Variants in PDXDC1 observed in about 807,000 individuals in gnomAD.
PDXDC1 encodes the protein pyridoxal-dependent decarboxylase domain-containing protein 1.
Under a neutral mutation model 100.1 loss-of-function variants are expected in PDXDC1, and 42 were observed. The observed-to-expected ratio is 0.42, with a 90% CI of 0.33 to 0.54. PDXDC1 has a LOEUF of 0.54. PDXDC1 is among the 20% of genes least tolerant of loss of function. The pLI is 0.10. For missense variants in PDXDC1, 636 were observed against 979.2 expected (o/e 0.65, Z 4.68); for synonymous variants, 260 against 371.7 (o/e 0.70, Z 3.46).
At chr16:15,130,432 A>G (rs777130661) in intron 16 of PDXDC1, 2 of 1,500,716 alleles carry the variant, frequency 1.3e-6, no homozygotes, top group Non-Finnish European at 1.8e-6. Context: ...TTCAGACGGT[A>G]ACTCCCCACT....
At chr16:15,022,415 C>T (rs1373781509) in intron 12 of PDXDC1, among the ~76,000 whole-genome samples, 40 of 152,294 alleles carry the variant, frequency 2.6e-4, no homozygotes, top group African/African-American at 9.2e-4. Flanking sequence ...GTGCCTTGCA[C>T]GTGTTTATAC....
intron 1 of PDXDC1, among the ~76,000 whole-genome samples, chr16:14,983,651 G>A (rs185056255): frequency 1.7e-4 from 25 of 148,334 alleles, no homozygotes; most frequent in Non-Finnish European, 3.4e-4. Flanking sequence ...AGTTATTCAT[G>A]TCAGTTATTC....
At chr16:15,080,026 A>G (rs750142950) in intron 16 of PDXDC1, 3 of 1,599,424 alleles carry the variant, frequency 1.9e-6, no homozygotes, top group Non-Finnish European at 1.7e-6. Context: ...TTCAATAATA[A>G]GCTCCAGAAT....
intron 16 of PDXDC1, chr16:15,128,389 C>G (rs2047869884): frequency 6.4e-7 from 1 of 1,559,460 alleles, no homozygotes; most frequent in African/African-American, 1.4e-5. Flanking sequence ...GGCCGTGGTA[C>G]CTGGAGGGCA....
At chr16:15,068,043 C>A in intron 16 of PDXDC1, 1 of 887,020 alleles carries the variant, frequency 1.1e-6, no homozygotes, top group Non-Finnish European at 1.7e-6. Context: ...TTACAGGTGT[C>A]AGCCACCACG....
At chr16:14,981,464 T>C (rs1217889699) in intron 1 of PDXDC1, among the ~76,000 whole-genome samples, 3 of 152,308 alleles carry the variant, frequency 2.0e-5, no homozygotes, top group African/African-American at 4.8e-5. Context: ...GGAAGAGTTA[T>C]AACAGTATCT....
intron 16 of PDXDC1, chr16:15,137,745 G>C (rs1598286077): frequency 1.3e-5 from 19 of 1,442,518 alleles, no homozygotes; most frequent in South Asian, 6.0e-5. Flanking sequence ...CCCACCCACC[G>C]GCACTCACCA....
intron 1 of PDXDC1, among the ~76,000 whole-genome samples, chr16:14,982,745 C>T (rs2151174522): frequency 6.6e-6 from 1 of 152,390 alleles, no homozygotes; most frequent in East Asian, 1.9e-4. Context: ...ACATTATGTT[C>T]TTGCTGTGGC....
At chr16:15,134,961 A>C in intron 16 of PDXDC1, 1 of 401,612 alleles carries the variant, frequency 2.5e-6, no homozygotes, top group East Asian at 5.5e-5. Flanking sequence ...CCGGCCCACC[A>C]CATCCAGCAA....
At chr16:15,094,537 C>A in intron 16 of PDXDC1, 2 of 479,260 alleles carry the variant, frequency 4.2e-6, no homozygotes, top group Non-Finnish European at 3.7e-6. Context: ...TAAGCTGTGG[C>A]CGGGTACACT....
At chr16:15,010,894 A>C (rs1357585852) in intron 8 of PDXDC1, among the ~76,000 whole-genome samples, 1 of 152,300 alleles carries the variant, frequency 6.6e-6, no homozygotes, top group Non-Finnish European at 1.5e-5. Flanking sequence ...TATATGCAAG[A>C]TCTGTACATT....
At chr16:15,077,500 C>T (rs2045512081) in intron 16 of PDXDC1, among the ~76,000 whole-genome samples, 1 of 152,104 alleles carries the variant, frequency 6.6e-6, no homozygotes, top group African/African-American at 2.4e-5. Context: ...TCACCTCCCG[C>T]CATGATTCTG....
rs756206486 is a variant in PDXDC1, at chr16:15,035,581, G to A, written c.2107+28G>A. The A allele has an allele frequency of 2.2e-6, 3 of 1,393,770 alleles. No individual in the cohort carries two copies. The East Asian group carries it at 7.0e-5, about 33-fold the overall frequency. 86.3% of individuals were successfully genotyped at this position (1,393,770 alleles called of 1,614,324 possible). A position where few individuals can be genotyped will look rare whatever the true frequency, so the allele number is the denominator to read the frequency against. On this transcript the variant is annotated intron_variant, in intron 22 of 22. Transcript: ENST00000396410. ...AAGTGACGCCTCTGCACCGAGTTCA[G>A]GTAACAGGTTTCCCCTGTTGACTGT...
intron 1 of PDXDC1, among the ~76,000 whole-genome samples, chr16:14,997,230 C>T (rs1360783344): frequency 6.6e-6 from 1 of 152,230 alleles, no homozygotes. Flanking sequence ...ACACATGGCA[C>T]TAAAATTCAA....
intron 16 of PDXDC1, chr16:15,070,170 G>A (rs1035417723): frequency 1.6e-5 from 25 of 1,609,454 alleles, no homozygotes; most frequent in South Asian, 6.6e-5. Flanking sequence ...GAGCAACATC[G>A]CAGAATGCCT....
chr16:15,147,410 T>C, the PDXDC1 span, among the ~76,000 whole-genome samples: 7 of 152,304 alleles, frequency 4.6e-5, no homozygotes, highest in African/African-American at 1.7e-4. Context: ...GTCTGTAAAA[T>C]GAGACCAGGA....
intron 16 of PDXDC1, chr16:15,131,279 C>A: frequency 3.2e-6 from 5 of 1,582,288 alleles, no homozygotes; most frequent in South Asian, 1.1e-5. Flanking sequence ...GCCAGCCGCT[C>A]GATGGGGATC....
At chr16:15,087,825 G>A (rs1340909499) in intron 16 of PDXDC1, among the ~76,000 whole-genome samples, 1 of 152,134 alleles carries the variant, frequency 6.6e-6, no homozygotes, top group African/African-American at 2.4e-5. Flanking sequence ...ATTTTTAAAA[G>A]TAAATCAGGC....
chr16:15,077,608 G>A (rs1158498140), intron 16 of PDXDC1, among the ~76,000 whole-genome samples: 1 of 152,156 alleles, frequency 6.6e-6, no homozygotes, highest in African/African-American at 2.4e-5. Flanking sequence ...TTGGGAGGCC[G>A]AGGTGGACGG....
Sources: gnomAD v4.1 joint callset for allele counts (sites outside exome capture counted in the v4.1 genomes callset) on GRCh38, gnomAD v4.1.1 for gene constraint, MANE v1.5 for transcripts, NCBI Gene and HGNC (gene_info 2026-07-23, HGNC 2026-07-21) for gene names.